The following TESK2 variants were observed in gnomAD, a reference collection of about 807,000 sequenced individuals.
TESK2 encodes testis associated actin remodelling kinase 2.
In TESK2, 39 loss-of-function variants were observed where a neutral mutation model predicts 57.1. The ratio of observed to expected loss-of-function variants is 0.68; its 90% CI spans 0.53 to 0.89. The LOEUF (loss-of-function observed/expected upper bound fraction) is 0.89, where lower values mean the gene tolerates loss of function less well. Ranked by LOEUF, TESK2 falls within the 40% of genes least tolerant of loss-of-function variation. The pLI is 0.00. For synonymous variants in TESK2, 249 were observed against 267.9 expected (o/e 0.93, Z 0.69); for missense variants, 646 against 732.1 (o/e 0.88, Z 1.36).
chr1:45,405,781 G>A (rs1649822853), intron 3 of TESK2, among the ~76,000 whole-genome samples: 1 of 151,798 alleles, frequency 6.6e-6, no homozygotes, highest in African/African-American at 2.4e-5. Flanking sequence ...TGAGGTGGGA[G>A]GATGATTTTA....
intron 4 of TESK2, among the ~76,000 whole-genome samples, chr1:45,364,038 T>C (rs1387122803): frequency 6.6e-6 from 1 of 152,154 alleles, no homozygotes; most frequent in Non-Finnish European, 1.5e-5. Flanking sequence ...ATTATATTTG[T>C]TATTAGTGCA....
At chr1:45,489,096 A>T (rs554045767) in intron 1 of TESK2, among the ~76,000 whole-genome samples, 1 of 149,624 alleles carries the variant, frequency 6.7e-6, no homozygotes, top group African/African-American at 2.5e-5. Context: ...GCACCACTGC[A>T]CTCCAGCCTG....
intron 4 of TESK2, among the ~76,000 whole-genome samples, chr1:45,376,253 T>C (rs1648422172): frequency 7.1e-6 from 1 of 140,236 alleles, no homozygotes; most frequent in Non-Finnish European, 1.5e-5. Flanking sequence ...AGTCTCACTC[T>C]GTCACCCAGG....
intron 1 of TESK2, among the ~76,000 whole-genome samples, chr1:45,461,564 A>G: frequency 6.6e-6 from 1 of 152,240 alleles, no homozygotes; most frequent in East Asian, 1.9e-4. Flanking sequence ...AGCTGTAGAA[A>G]GAACAGAGAC....
At chr1:45,437,687 T>C (rs1651287461) in intron 2 of TESK2, among the ~76,000 whole-genome samples, 1 of 152,198 alleles carries the variant, frequency 6.6e-6, no homozygotes, top group Non-Finnish European at 1.5e-5. Context: ...GGGTTTGTCA[T>C]ATATGGCCTT....
At chr1:45,375,834 G>A (rs1648399464) in intron 4 of TESK2, among the ~76,000 whole-genome samples, 1 of 152,230 alleles carries the variant, frequency 6.6e-6, no homozygotes, top group South Asian at 2.1e-4. Context: ...AATAGTGCCA[G>A]ACATGGTAGG....
Position 45,421,792 on chromosome 1 carries a change from T to C in TESK2, c.277A>G (p.Ser93Gly), listed in dbSNP as rs1021318065. The C allele has an allele frequency of 7.4e-6, 12 of 1,614,036 alleles. No homozygotes were observed. Among genetic ancestry groups the C allele is most frequent in the Non-Finnish European group, 9.3e-6 (11 of 1,180,008 alleles). The change falls in exon 3 of 11, where the codon AGT becomes GGT. Residue 93 changes from serine to glycine, a missense_variant. Coordinates refer to ENST00000372086, the MANE Select transcript of TESK2 (RefSeq NM_007170.3). ...VMALKMNTLS[S>G]NRANMLKEVQ... The stretch of plus-strand genomic sequence containing the variant: ...TCTTTCAGCATGTTTGCCCGGTTAC[T>C]GCTCAATGTGTTCATCTTAAGAGCC...
At chr1:45,419,918 A>G (rs1183309269) in intron 3 of TESK2, among the ~76,000 whole-genome samples, 1 of 152,242 alleles carries the variant, frequency 6.6e-6, no homozygotes, top group African/African-American at 2.4e-5. Context: ...ATATAAGGAT[A>G]AAAAGTTTCA....
At chr1:45,475,628 C>T (rs1253338671) in intron 1 of TESK2, among the ~76,000 whole-genome samples, 1 of 152,138 alleles carries the variant, frequency 6.6e-6, no homozygotes, top group Non-Finnish European at 1.5e-5. Context: ...TGAGTGTCAA[C>T]TTGATTGGAC....
chr1:45,394,679 C>CTTTTTTTTTTTT (rs5773871), intron 3 of TESK2, among the ~76,000 whole-genome samples: 2 of 57,400 alleles, frequency 3.5e-5, no homozygotes, highest in African/African-American at 7.4e-5. Flanking sequence ...ACAGGAAACT[C>CTTTTTTTTTTTT]TTTTTTTTTT....
intron 4 of TESK2, among the ~76,000 whole-genome samples, chr1:45,358,002 C>T (rs541546051): frequency 1.5e-4 from 15 of 100,570 alleles, no homozygotes; most frequent in African/African-American, 4.8e-4. Context: ...AGTGAAACTC[C>T]GTCTAAAAAA....
intron 2 of TESK2, among the ~76,000 whole-genome samples, chr1:45,436,034 T>C (rs1570728584): frequency 6.6e-6 from 1 of 152,056 alleles, no homozygotes; most frequent in East Asian, 1.9e-4. Flanking sequence ...TATAGCCTTG[T>C]AATATATATT....
intron 2 of TESK2, among the ~76,000 whole-genome samples, chr1:45,452,067 T>C (rs1651895682): frequency 7.5e-6 from 1 of 133,838 alleles, no homozygotes; most frequent in Non-Finnish European, 1.6e-5. Flanking sequence ...TATAATTTAA[T>C]ATAGTTTAGA....
rs575710769 is a variant in TESK2 at position 45,426,045 on chromosome 1, G to A, written c.223-4199C>T. On this transcript the variant is annotated intron_variant, in intron 2 of 10. Coordinates refer to ENST00000372086, the MANE Select transcript of TESK2 (RefSeq NM_007170.3). ...CATGCCCCTGTAATCCCAGCTACTCGGGAGGCTGAGCAGGAGAATGGCTTG... is the reference window on the plus strand; with the variant it reads ...CATGCCCCTGTAATCCCAGCTACTCAGGAGGCTGAGCAGGAGAATGGCTTG... 4.6e-5 allele frequency among the ~76,000 whole-genome samples: 7 copies of A among 152,082 alleles called. No homozygotes were observed. In the South Asian group the frequency reaches 1.0e-3, roughly 23 times the overall value.
chr1:45,429,978 G>T (rs1557570317), intron 2 of TESK2, among the ~76,000 whole-genome samples: 1 of 152,108 alleles, frequency 6.6e-6, no homozygotes, highest in East Asian at 1.9e-4. Flanking sequence ...CTTCCACTCA[G>T]CTCATTGGTA....
intron 2 of TESK2, among the ~76,000 whole-genome samples, chr1:45,431,957 T>A (rs950896466): frequency 4.6e-5 from 7 of 151,798 alleles, no homozygotes; most frequent in African/African-American, 1.7e-4. Flanking sequence ...AAATAAAAAA[T>A]TTTTAGGGCA....
chr1:45,399,779 A>C (rs1649523317), intron 3 of TESK2, among the ~76,000 whole-genome samples: 1 of 152,220 alleles, frequency 6.6e-6, no homozygotes, highest in Admixed American at 6.5e-5. Context: ...ATTCCAAGGC[A>C]GGTCTTTTCC....
rs187647163 is a variant in TESK2, at chr1:45,393,893, T to C, written c.345-7933A>G. On this transcript the variant is annotated intron_variant, in intron 3 of 10. Coordinates refer to ENST00000372086, the MANE Select transcript of TESK2 (RefSeq NM_007170.3). ...CATCAACAATAAGTTTTCACTAAAG[T>C]TTTTATTGCTAACTATATCAAAAAT... is the stretch of plus-strand genomic sequence containing the variant. Among the ~76,000 whole-genome samples, 277 of 152,266 alleles carry C rather than the reference T, an allele frequency of 1.8e-3. 2 individuals carry two copies. The highest frequency in any genetic ancestry group is 3.6e-3 in the Non-Finnish European group (248 of 68,014).
chr1:45,434,959 C>CTTTTTTTTTTTTTTTTT (rs60515365), intron 2 of TESK2, among the ~76,000 whole-genome samples: 6 of 140,444 alleles, frequency 4.3e-5, no homozygotes, highest in Non-Finnish European at 4.6e-5. Context: ...ACTTTTCTTT[C>CTTTTTTTTTTTTTTTTT]TTTTTTTTTT....
Sources: allele counts gnomAD v4.1 joint callset (sites outside exome capture counted in the v4.1 genomes callset), GRCh38; gene constraint gnomAD v4.1.1; transcripts MANE v1.5; gene names NCBI Gene and HGNC (gene_info 2026-07-23, HGNC 2026-07-21).